SGCZ: variants seen among roughly 807,000 people sequenced by gnomAD.
SGCZ encodes the protein zeta-sarcoglycan.
In SGCZ, 40 loss-of-function variants were observed where a neutral mutation model predicts 41.3. The ratio of observed to expected loss-of-function variants is 0.97; its 90% CI spans 0.75 to 1.26. The LOEUF is 1.26. SGCZ is among the 50% of genes most tolerant of loss of function. The pLI is 0.00. For synonymous variants in SGCZ, 206 were observed against 137.5 expected (o/e 1.50, Z -3.49); for missense variants, 552 against 369.8 (o/e 1.49, Z -4.04).
intron 2 of SGCZ, among the ~76,000 whole-genome samples, chr8:14,397,756 G>C (rs114858630): frequency 2.3e-3 from 348 of 152,222 alleles, no homozygotes; most frequent in African/African-American, 6.3e-3. Context: ...AAGCATACTA[G>C]AGTTCCCCTT....
chr8:14,209,857 CCTGTATGATTAAGTAAAATATAAT>C (rs1805743199), intron 4 of SGCZ, among the ~76,000 whole-genome samples: 1 of 30,016 alleles, frequency 3.3e-5, no homozygotes, highest in African/African-American at 3.0e-4. Flanking sequence ...TAAAATATAA[CCTGTATGATTAAGTAAAATATAAT>C]TAGCTCATTT....
At chr8:14,929,766 G>T (rs568570866) in intron 1 of SGCZ, among the ~76,000 whole-genome samples, 74 of 152,026 alleles carry the variant, frequency 4.9e-4, no homozygotes, top group African/African-American at 1.7e-3. Context: ...TGTCTTTATT[G>T]CCCAGAAACA....
In SGCZ at chr8:14,756,391, G is replaced by A. The variant is rs147714223; in HGVS notation, c.40-201465C>T. Among the ~76,000 whole-genome samples, 421 of 152,122 alleles carry A rather than the reference G, an allele frequency of 2.8e-3. 3 individuals carry two copies. The highest frequency in any genetic ancestry group is 9.7e-3 in the African/African-American group (402 of 41,500). ...GTAGAGATGGGGTTTCTCCATGTTG[G>A]TCAGGCTGGTCTCAAACTCCCGACC... On this transcript the variant is annotated intron_variant, in intron 1 of 7. Transcript: ENST00000382080.
chr8:15,210,186 T>C (rs1372126028), intron 1 of SGCZ, among the ~76,000 whole-genome samples: 1 of 152,170 alleles, frequency 6.6e-6, no homozygotes, highest in Non-Finnish European at 1.5e-5. Flanking sequence ...CCTACCATCA[T>C]CGAGCTGCAG....
At chr8:14,571,792 G>C (rs980643679) in intron 1 of SGCZ, among the ~76,000 whole-genome samples, 8 of 152,110 alleles carry the variant, frequency 5.3e-5, no homozygotes, top group Non-Finnish European at 7.4e-5. Context: ...TATTGAAGGA[G>C]TTTGACCACA....
intron 3 of SGCZ, among the ~76,000 whole-genome samples, chr8:14,249,839 G>T (rs1365647): frequency 0.67 from 101,324 of 151,960 alleles, 34,184 homozygotes; most frequent in South Asian, 0.78. Flanking sequence ...CCAAGCCCCT[G>T]AGCCTCCTTG....
intron 1 of SGCZ, among the ~76,000 whole-genome samples, chr8:14,575,255 C>A (rs988874420): frequency 1.3e-5 from 2 of 152,136 alleles, no homozygotes; most frequent in Admixed American, 1.3e-4. Context: ...AAGTAAACCA[C>A]TGGAATATAA....
chr8:15,124,985 T>C (rs1317923495), intron 1 of SGCZ, among the ~76,000 whole-genome samples: 1 of 152,174 alleles, frequency 6.6e-6, no homozygotes, highest in Non-Finnish European at 1.5e-5. Context: ...GTAGAGGAAA[T>C]GCTTAAAGGT....
intron 5 of SGCZ, among the ~76,000 whole-genome samples, chr8:14,155,012 A>C (rs935904315): frequency 9.9e-5 from 15 of 152,160 alleles, no homozygotes; most frequent in African/African-American, 2.9e-4. Flanking sequence ...GAGCAAAATA[A>C]ATGCCATCAA....
At chr8:14,428,813 A>G (rs1799863420) in intron 2 of SGCZ, among the ~76,000 whole-genome samples, 1 of 152,218 alleles carries the variant, frequency 6.6e-6, no homozygotes, top group Non-Finnish European at 1.5e-5. Context: ...GCACATGGAT[A>G]TAAGTTCACA....
intron 1 of SGCZ, among the ~76,000 whole-genome samples, chr8:14,925,943 G>A (rs890235456): frequency 1.3e-5 from 2 of 152,184 alleles, no homozygotes; most frequent in Non-Finnish European, 2.9e-5. Flanking sequence ...GGGCAGAGAT[G>A]TTGTTTTTTA....
At chr8:14,488,591 C>G (rs1801749190) in intron 2 of SGCZ, among the ~76,000 whole-genome samples, 1 of 152,032 alleles carries the variant, frequency 6.6e-6, no homozygotes, top group Non-Finnish European at 1.5e-5. Flanking sequence ...GAAATGTAAT[C>G]ATCTAGAAAG....
At chr8:14,264,596 C>A (rs1188776209) in intron 3 of SGCZ, among the ~76,000 whole-genome samples, 1 of 152,104 alleles carries the variant, frequency 6.6e-6, no homozygotes, top group Non-Finnish European at 1.5e-5. Context: ...GGCGATGATA[C>A]AGAGGCAGTG....
intron 1 of SGCZ, among the ~76,000 whole-genome samples, chr8:15,085,549 C>G (rs1008840881): frequency 2.0e-5 from 3 of 152,162 alleles, no homozygotes; most frequent in Non-Finnish European, 4.4e-5. Context: ...TCAATATCAG[C>G]TCAGTCTAAC....
intron 4 of SGCZ, among the ~76,000 whole-genome samples, chr8:14,178,807 A>G (rs546041127): frequency 6.6e-5 from 10 of 152,386 alleles, no homozygotes; most frequent in African/African-American, 2.4e-4. Flanking sequence ...AATGTAAATG[A>G]GATAAATGCT....
At chr8:14,654,905 T>A (rs912808633) in intron 1 of SGCZ, among the ~76,000 whole-genome samples, 6 of 152,030 alleles carry the variant, frequency 3.9e-5, no homozygotes, top group Non-Finnish European at 8.8e-5. Flanking sequence ...GACCTTGTGA[T>A]CTATTTTTCT....
In SGCZ at chr8:14,212,091, C is replaced by T. The variant is rs529211841; in HGVS notation, c.424+25501G>A. Among the ~76,000 whole-genome samples, 8 of 152,146 alleles carry T rather than the reference C, an allele frequency of 5.3e-5. No homozygotes were observed. In the East Asian group the frequency reaches 9.7e-4, roughly 18 times the overall value. ...CTTCTTCTTGATAGTCAAGAGTCCT[C>T]GATCTTGTAGCAGACGATTACTGAG... is the stretch of plus-strand genomic sequence containing the variant. On this transcript the variant is annotated intron_variant, in intron 4 of 7. Coordinates refer to ENST00000382080, the MANE Select transcript of SGCZ (RefSeq NM_139167.4).
At chr8:14,737,928 A>G (rs1377875689) in intron 1 of SGCZ, among the ~76,000 whole-genome samples, 2 of 152,136 alleles carry the variant, frequency 1.3e-5, no homozygotes, top group African/African-American at 4.8e-5. Context: ...TTTATTCTAT[A>G]TTAAAAGCCA....
chr8:14,948,559 T>A (rs1585404141), intron 1 of SGCZ, among the ~76,000 whole-genome samples: 1 of 152,098 alleles, frequency 6.6e-6, no homozygotes, highest in Non-Finnish European at 1.5e-5. Flanking sequence ...CAGAGCCTGG[T>A]AGTCTTGACT....
Sources: gnomAD v4.1 joint callset for allele counts (sites outside exome capture counted in the v4.1 genomes callset) on GRCh38, gnomAD v4.1.1 for gene constraint, MANE v1.5 for transcripts, NCBI Gene and HGNC (gene_info 2026-07-23, HGNC 2026-07-21) for gene names.